SLC43A2: variants seen among roughly 807,000 people sequenced by gnomAD.
The protein encoded by SLC43A2 is solute carrier family 43 member 2, also known as large neutral amino acids transporter small subunit 4.
Under a neutral mutation model 63.2 loss-of-function variants are expected in SLC43A2, and 38 were observed. That is an observed-to-expected ratio of 0.60 (90% CI 0.46 to 0.79). The LOEUF (loss-of-function observed/expected upper bound fraction) is 0.79, where lower values mean the gene tolerates loss of function less well. Among genes scored for constraint, SLC43A2 ranks in the 30% least tolerant of loss-of-function variants. SLC43A2 has a pLI of 0.00. For synonymous variants in SLC43A2, 322 were observed against 331.0 expected, an observed-to-expected ratio of 0.97 and a Z score of 0.30; for missense variants, 644 against 756.2, an observed-to-expected ratio of 0.85 and a Z score of 1.74.
chr17:1,599,794 C>T (rs1905730441), intron 5 of SLC43A2, among the ~76,000 whole-genome samples: 1 of 151,686 alleles, frequency 6.6e-6, no homozygotes, highest in South Asian at 2.1e-4. Flanking sequence ...CCTGTAATCC[C>T]AGCACTTTGG....
Position 1,596,397 on chromosome 17 carries a change from C to T in SLC43A2, c.502-3118G>A, listed in dbSNP as rs369755669. 1.7e-4 allele frequency among the ~76,000 whole-genome samples: 26 copies of T among 151,234 alleles called. No homozygotes were observed. In the East Asian group the frequency reaches 2.6e-3, roughly 15 times the overall value. On this transcript the variant is annotated intron_variant, in intron 5 of 13. Transcript: ENST00000301335. The stretch of plus-strand genomic sequence containing the variant: ...CCAGCACTTTGGAAGGCTGGGGCAG[C>T]GGGATTACTTGAGGGCAGGAGTTCA...
intron 1 of SLC43A2, among the ~76,000 whole-genome samples, chr17:1,628,553 G>A (rs1908904858): frequency 1.3e-5 from 2 of 152,156 alleles, no homozygotes; most frequent in Admixed American, 6.5e-5. Context: ...CAAACCGGTG[G>A]CGCGAGCCAG....
chr17:1,628,003 G>A lies in SLC43A2; in HGVS notation c.-46-83C>T, dbSNP rs1458628061. The A allele has an allele frequency of 2.5e-6, 3 of 1,212,872 alleles. No homozygotes were observed. In the African/African-American group the frequency reaches 4.8e-5, roughly 19 times the overall value. 75.1% of individuals were successfully genotyped at this position (1,212,872 alleles called of 1,614,324 possible). ...CAGCAGCCCCGACCGCTGCCGCAGG[G>A]CTCGGGATTGCCACCCCTCCCCGGC... On this transcript the variant is annotated intron_variant, in intron 1 of 13. Transcript: ENST00000301335.
intron 10 of SLC43A2, among the ~76,000 whole-genome samples, chr17:1,584,094 C>T (rs934208251): frequency 3.3e-5 from 5 of 152,024 alleles, no homozygotes; most frequent in African/African-American, 1.2e-4. Context: ...AGGGTTTCAC[C>T]ATGTTAGCCA....
chr17:1,615,533 G>GAAAA (rs113237456), intron 3 of SLC43A2, among the ~76,000 whole-genome samples: 15 of 113,228 alleles, frequency 1.3e-4, no homozygotes, highest in African/African-American at 4.5e-4. Flanking sequence ...AACTCAAAAG[G>GAAAA]AAAAAAAAAA....
chr17:1,613,299 G>A, intron 4 of SLC43A2, 28 bp from the exon 5 acceptor site: 5 of 1,610,910 alleles, frequency 3.1e-6, no homozygotes, highest in South Asian at 1.1e-5. Flanking sequence ...GCTCGTGAGT[G>A]GAGACCCCAG....
At chr17:1,586,932 C>CCCCCCCCCCCCCCCCCGGG in intron 9 of SLC43A2, 1 of 1,330,042 alleles carries the variant, frequency 7.5e-7, no homozygotes, top group Non-Finnish European at 1.0e-6. Flanking sequence ...TGACAATCCC[C>CCCCCCCCCCCCCCCCCGGG]CCCACCCCCC....
chr17:1,599,975 C>T (rs1171665272), intron 5 of SLC43A2, among the ~76,000 whole-genome samples: 17 of 139,748 alleles, frequency 1.2e-4, no homozygotes, highest in African/African-American at 4.3e-4. Context: ...ACCTGGGAGG[C>T]AGAGCTTGCA....
At chr17:1,591,733 G>T (rs767258375) in intron 6 of SLC43A2, 34 bp from the exon 7 acceptor site, 1 of 598,522 alleles carries the variant, frequency 1.7e-6, no homozygotes, top group Non-Finnish European at 3.0e-6. Flanking sequence ...GTGGGGGGGG[G>T]AGGGGGCAGA....
intron 2 of SLC43A2, among the ~76,000 whole-genome samples, chr17:1,621,566 G>A (rs376142701): frequency 2.6e-5 from 4 of 152,236 alleles, no homozygotes; most frequent in Non-Finnish European, 4.4e-5. Flanking sequence ...GGCAGAGGCC[G>A]TCCTGGGCTG....
chr17:1,629,428 G>A (rs1161632773), upstream of SLC43A2, among the ~76,000 whole-genome samples: 1 of 152,176 alleles, frequency 6.6e-6, no homozygotes, highest in Non-Finnish European at 1.5e-5. Flanking sequence ...TCGGGGCCTG[G>A]GATCCCGGAC....
At chr17:1,588,623 G>T (rs1904437571) in intron 9 of SLC43A2, among the ~76,000 whole-genome samples, 1 of 149,318 alleles carries the variant, frequency 6.7e-6, no homozygotes, top group African/African-American at 2.5e-5. Flanking sequence ...CTTGAGCTCA[G>T]GAGTCGGAGG....
chr17:1,578,321 G>C lies in SLC43A2; in HGVS notation c.1353C>G (p.Ile451Met), dbSNP rs772570118. 2 of 1,613,788 alleles carry C rather than the reference G, an allele frequency of 1.2e-6. No homozygotes were observed. The highest frequency in any genetic ancestry group is 1.7e-6 in the Non-Finnish European group (2 of 1,179,908). Residue 451 changes from isoleucine to methionine, a missense_variant and splice_region_variant, in exon 12 of 14, where the codon ATC becomes ATG. Ile to Met is a conservative substitution (Grantham distance 10). Transcript: ENST00000301335. The surrounding 1 kb of genome is among the most constrained non-coding windows in gnomAD (Gnocchi z 6.5). ...TCLIPNLPLQ[I>M]LSFILHTIVR... ...CGATTGTGTGCAGGATGAAGGAGAGGATCTGGGGGAGGAAAAGGCGACTGT... is the reference window on the plus strand; with the variant it reads ...CGATTGTGTGCAGGATGAAGGAGAGCATCTGGGGGAGGAAAAGGCGACTGT...
intron 2 of SLC43A2, among the ~76,000 whole-genome samples, chr17:1,621,271 G>A (rs1908129374): frequency 6.6e-6 from 1 of 152,154 alleles, no homozygotes; most frequent in South Asian, 2.1e-4. Context: ...AAGGGAGGGG[G>A]GCCTCCAAGA....
rs999687963 is a variant in SLC43A2, at chr17:1,605,605, G to A, written c.501+7590C>T. Among the ~76,000 whole-genome samples the A allele has an allele frequency of 7.0e-6, 1 of 142,780 alleles. No homozygotes were observed. Among genetic ancestry groups the A allele is most frequent in the African/African-American group, 2.6e-5 (1 of 38,352 alleles). The allele number at this position is 142,780 out of a possible 152,430, so 93.7% of individuals were successfully genotyped here. ...CTGCGGAGCTGGGAGGTGGGTGGGGGCTGGGGAGCTGGGTGGTGGGTGGGG... is the reference window on the plus strand; with the variant it reads ...CTGCGGAGCTGGGAGGTGGGTGGGGACTGGGGAGCTGGGTGGTGGGTGGGG... On this transcript the variant is annotated intron_variant, in intron 5 of 13. Transcript: ENST00000301335. The surrounding 1 kb of genome is among the most constrained non-coding windows in gnomAD (Gnocchi z 4.9).
chr17:1,581,193 G>A (rs943190227), intron 11 of SLC43A2, among the ~76,000 whole-genome samples: 3 of 25,342 alleles, frequency 1.2e-4, no homozygotes, highest in Non-Finnish European at 3.0e-4. Flanking sequence ...AGAGGGCTGT[G>A]CCCAGTGCCC....
At position 1,623,618 on chromosome 17, in the gene SLC43A2, G is replaced by GTGTACCCTCCTCTCCTCCAGGC. The variant is rs1458777334; in HGVS notation, c.160+4075_160+4096dup. ...TCCCACTTCTCTCCTCTCCTCCAGG[G>GTGTACCCTCCTCTCCTCCAGGC]TGTACCCTCCTCTCCTCCAGGCTGT... On this transcript the variant is annotated intron_variant, in intron 2 of 13. Coordinates refer to ENST00000301335, the MANE Select transcript of SLC43A2 (RefSeq NM_152346.3). 4.8e-5 allele frequency among the ~76,000 whole-genome samples: 7 copies of GTGTACCCTCCTCTCCTCCAGGC among 145,486 alleles called. 1 individual carries two copies. The highest frequency in any genetic ancestry group is 1.6e-4 in the African/African-American group (6 of 36,960).
intron 10 of SLC43A2, 46 bp downstream of exon 10, chr17:1,585,867 C>T (rs1397603078): frequency 6.2e-7 from 1 of 1,612,296 alleles, no homozygotes; most frequent in South Asian, 1.1e-5. Context: ...GGTCTTTCTG[C>T]AGGGGCTGCG....
chr17:1,580,325 T>G (rs922460481), intron 11 of SLC43A2, among the ~76,000 whole-genome samples: 1 of 152,172 alleles, frequency 6.6e-6, no homozygotes, highest in Non-Finnish European at 1.5e-5. Context: ...TGAGTGCATG[T>G]GCACCGTGGA....
Sources: allele counts gnomAD v4.1 joint callset (sites outside exome capture counted in the v4.1 genomes callset), GRCh38; gene constraint gnomAD v4.1.1; non-coding constraint Gnocchi (gnomAD v3.1); transcripts MANE v1.5; gene names NCBI Gene and HGNC (gene_info 2026-07-23, HGNC 2026-07-21).